LARGE1: variants seen among roughly 807,000 people sequenced by gnomAD.
LARGE1 encodes xylosyl- and glucuronyltransferase LARGE1.
LARGE1 carries 43 observed loss-of-function variants against 87.6 expected under a neutral mutation model. The observed-to-expected ratio is 0.49, with a 90% CI of 0.38 to 0.63. The LOEUF (loss-of-function observed/expected upper bound fraction) is 0.63, where lower values mean the gene tolerates loss of function less well. Among genes scored for constraint, LARGE1 ranks in the 30% least tolerant of loss-of-function variants. The probability of loss-of-function intolerance (pLI) is 0.00; values close to 1 mark genes in which losing one functional copy is unlikely to be tolerated. For synonymous variants in LARGE1, 434 were observed against 394.6 expected (o/e 1.10, Z -1.18); for missense variants, 802 against 1,000.2 (o/e 0.80, Z 2.67).
At chr22:33,304,558 A>T (rs1447828725) in intron 11 of LARGE1, 51 bp from the exon 12 acceptor site, 2 of 1,508,414 alleles carry the variant, frequency 1.3e-6, no homozygotes, top group Non-Finnish European at 1.8e-6. Context: ...TCCATGCATC[A>T]TCCGCCGGGC....
the LARGE1 span, among the ~76,000 whole-genome samples, chr22:33,125,857 C>T: frequency 2.6e-5 from 4 of 152,168 alleles, no homozygotes; most frequent in Admixed American, 6.5e-5. Flanking sequence ...AAGCGATTCT[C>T]GTGCCTCAGC....
chr22:33,921,835 G>A (rs575077367), upstream of LARGE1, among the ~76,000 whole-genome samples: 92 of 152,228 alleles, frequency 6.0e-4, no homozygotes, highest in South Asian at 2.5e-3. The surrounding 1 kb of genome is among the most constrained non-coding windows in gnomAD (Gnocchi z 4.1). Flanking sequence ...AGCCACAGGA[G>A]AAGTGGGTGA....
intron 1 of LARGE1, among the ~76,000 whole-genome samples, chr22:33,768,781 C>T (rs238863): frequency 0.88 from 134,589 of 152,234 alleles, 59,783 homozygotes; most frequent in East Asian, 0.97. Flanking sequence ...ATGTTTACAC[C>T]AACCCACCTC....
At chr22:33,553,377 G>A (rs1862981785) in intron 6 of LARGE1, among the ~76,000 whole-genome samples, 1 of 152,058 alleles carries the variant, frequency 6.6e-6, no homozygotes, top group East Asian at 1.9e-4. Context: ...ATAGCCAGAC[G>A]TGGTAGCACA....
chr22:33,584,517 T>C (rs963796627), intron 5 of LARGE1, among the ~76,000 whole-genome samples: 2 of 152,254 alleles, frequency 1.3e-5, no homozygotes, highest in Admixed American at 6.5e-5. Context: ...CTCATCTGTA[T>C]TCTGGAACAG....
chr22:33,086,613 C>T, the LARGE1 span, among the ~76,000 whole-genome samples: 4 of 143,224 alleles, frequency 2.8e-5, no homozygotes, highest in Admixed American at 1.5e-4. Flanking sequence ...AGTGCAGCGG[C>T]GTGATCTTGG....
chr22:33,133,025 C>G, the LARGE1 span, among the ~76,000 whole-genome samples: 7 of 152,040 alleles, frequency 4.6e-5, no homozygotes, highest in Non-Finnish European at 8.8e-5. Context: ...ATTAGGCCTC[C>G]TTTATTTCTT....
chr22:33,110,572 A>G, the LARGE1 span: 1 of 152,270 alleles, frequency 6.6e-6, no homozygotes, highest in African/African-American at 2.4e-5. Flanking sequence ...CACAGAGACC[A>G]CTGGATAAAG....
At chr22:33,461,119 A>T (rs2068364576) in intron 6 of LARGE1, among the ~76,000 whole-genome samples, 1 of 152,226 alleles carries the variant, frequency 6.6e-6, no homozygotes, top group Admixed American at 6.5e-5. Flanking sequence ...ATCATCATGT[A>T]CAGAACATAA....
chr22:33,774,115 A>C (rs1311715019), intron 1 of LARGE1, among the ~76,000 whole-genome samples: 2 of 152,184 alleles, frequency 1.3e-5, no homozygotes, highest in Non-Finnish European at 2.9e-5. Flanking sequence ...AAACTCCTCC[A>C]AACACATTAT....
chr22:33,391,078 G>A (rs987509285), intron 7 of LARGE1, among the ~76,000 whole-genome samples: 13 of 152,012 alleles, frequency 8.6e-5, no homozygotes, highest in African/African-American at 1.5e-4. Flanking sequence ...TGATCCACCC[G>A]CCTCGGCCTC....
intron 1 of LARGE1, among the ~76,000 whole-genome samples, chr22:33,802,815 C>T (rs1223513072): frequency 6.6e-6 from 1 of 152,182 alleles, no homozygotes; most frequent in African/African-American, 2.4e-5. Context: ...CATTAGTCAT[C>T]TCCCACCCAA....
chr22:33,383,183 G>A (rs1177015313), intron 8 of LARGE1, among the ~76,000 whole-genome samples: 6 of 152,264 alleles, frequency 3.9e-5, no homozygotes, highest in African/African-American at 1.4e-4. Flanking sequence ...AAATTTAAAT[G>A]AGTGATCCTG....
chr22:33,829,617 T>C (rs1370509522), intron 1 of LARGE1, among the ~76,000 whole-genome samples: 1 of 152,166 alleles, frequency 6.6e-6, no homozygotes, highest in Non-Finnish European at 1.5e-5. Flanking sequence ...GTTCCTTTAA[T>C]GGTTCCTGGA....
At chr22:33,279,019 G>A (rs1463942940) in intron 13 of LARGE1, among the ~76,000 whole-genome samples, 2 of 152,036 alleles carry the variant, frequency 1.3e-5, no homozygotes, top group African/African-American at 4.8e-5. Context: ...CGGCCGGCTG[G>A]GTCACCTCTC....
At chr22:33,907,659 C>G (rs180924423) in intron 1 of LARGE1, among the ~76,000 whole-genome samples, 97 of 152,238 alleles carry the variant, frequency 6.4e-4, no homozygotes, top group Middle Eastern at 3.4e-3. Flanking sequence ...CCTCCGCCTC[C>G]CGGGTTCACA....
chr22:33,373,857 C>A (rs763916097), intron 9 of LARGE1, among the ~76,000 whole-genome samples: 7 of 151,422 alleles, frequency 4.6e-5, no homozygotes, highest in African/African-American at 1.7e-4. Context: ...GCTTGTAGTT[C>A]CAGCTACTCG....
chr22:33,067,935 G>T, the LARGE1 span, among the ~76,000 whole-genome samples: 1 of 151,648 alleles, frequency 6.6e-6, no homozygotes, highest in East Asian at 1.9e-4. Context: ...AGCTGAGATC[G>T]CATCACTGCA....
chr22:33,428,104 A>G (rs2066942139), intron 7 of LARGE1, among the ~76,000 whole-genome samples: 1 of 152,160 alleles, frequency 6.6e-6, no homozygotes, highest in Non-Finnish European at 1.5e-5. Flanking sequence ...TTCTGACCAA[A>G]GGGCTTGGGA....
Sources: allele counts gnomAD v4.1 joint callset (sites outside exome capture counted in the v4.1 genomes callset), GRCh38; gene constraint gnomAD v4.1.1; non-coding constraint Gnocchi (gnomAD v3.1); transcripts MANE v1.5; gene names NCBI Gene and HGNC (gene_info 2026-07-23, HGNC 2026-07-21).